The following ASAP1 variants were observed in gnomAD, a reference collection of about 807,000 sequenced individuals.
The protein encoded by ASAP1 is ArfGAP with SH3 domain, ankyrin repeat and PH domain 1.
Under a neutral mutation model 145.2 loss-of-function variants are expected in ASAP1, and 43 were observed. The observed-to-expected ratio is 0.30, with a 90% confidence interval of 0.23 to 0.38. ASAP1 has a LOEUF of 0.38. Ranked by LOEUF, ASAP1 falls within the 10% of genes least tolerant of loss-of-function variation. The probability of loss-of-function intolerance (pLI) is 1.00; values close to 1 mark genes in which losing one functional copy is unlikely to be tolerated. For synonymous variants in ASAP1, 546 were observed against 515.5 expected (o/e 1.06, Z -0.80); for missense variants, 1,018 against 1,355.3 (o/e 0.75, Z 3.91).
chr8:130,076,370 A>C lies in ASAP1; in HGVS notation c.2679T>G (p.Val893=). 1 of 1,612,444 alleles carries C rather than the reference A, an allele frequency of 6.2e-7. No individual in the cohort carries two copies. The highest frequency in any genetic ancestry group is 8.5e-7 in the Non-Finnish European group (1 of 1,179,370). Residue 893 remains valine, a synonymous_variant, in exon 27 of 30, where the codon GTT becomes GTG. Coordinates refer to ENST00000518721, the MANE Select transcript of ASAP1 (RefSeq NM_018482.4). ...SSAKTALGPR[V]LPKLPQKVAL... The stretch of plus-strand genomic sequence containing the variant: ...TACCTTTCTGAGGTAGTTTAGGAAG[A>C]ACTCTTGGGCCAAGGGCAGTCTTTG...
intron 4 of ASAP1, among the ~76,000 whole-genome samples, chr8:130,222,085 G>A (rs752608731): frequency 7.9e-5 from 12 of 152,176 alleles, no homozygotes; most frequent in Non-Finnish European, 1.6e-4. Context: ...TTCAGACAAC[G>A]CTGAAGAGTT....
At chr8:130,073,574 A>G (rs2097455026) in intron 27 of ASAP1, among the ~76,000 whole-genome samples, 1 of 152,112 alleles carries the variant, frequency 6.6e-6, no homozygotes, top group South Asian at 2.1e-4. Context: ...TCGGGAAGGA[A>G]CTGACAGTGC....
At chr8:130,194,055 A>C (rs1586565759) in intron 5 of ASAP1, among the ~76,000 whole-genome samples, 1 of 151,882 alleles carries the variant, frequency 6.6e-6, no homozygotes, top group African/African-American at 2.4e-5. Flanking sequence ...AAACCCCAAG[A>C]ATTAAGAATT....
intron 25 of ASAP1, among the ~76,000 whole-genome samples, chr8:130,088,860 C>G (rs1418614447): frequency 6.6e-6 from 1 of 152,174 alleles, no homozygotes; most frequent in Non-Finnish European, 1.5e-5. Context: ...ACTCCATATG[C>G]AATACAGACA....
intron 1 of ASAP1, among the ~76,000 whole-genome samples, chr8:130,441,541 CA>C (rs1416544405): frequency 6.6e-6 from 1 of 152,224 alleles, no homozygotes; most frequent in Non-Finnish European, 1.5e-5. Context: ...GCAGGAACAA[CA>C]CTGTCCTAGC....
chr8:130,204,004 G>A (rs546939461), intron 5 of ASAP1, among the ~76,000 whole-genome samples: 2 of 152,224 alleles, frequency 1.3e-5, no homozygotes, highest in East Asian at 3.9e-4. Context: ...CTTTTGCGAG[G>A]AGGTACAGCA....
chr8:130,329,802 C>A (rs1824565785), intron 3 of ASAP1, among the ~76,000 whole-genome samples: 2 of 152,196 alleles, frequency 1.3e-5, no homozygotes, highest in Non-Finnish European at 2.9e-5. Flanking sequence ...AGGGCAGCCT[C>A]AGATGGCACC....
chr8:130,297,515 A>C (rs756960466), intron 3 of ASAP1, among the ~76,000 whole-genome samples: 19 of 152,240 alleles, frequency 1.2e-4, no homozygotes, highest in Non-Finnish European at 2.6e-4. Flanking sequence ...CAAGAAGCAG[A>C]CCTGGGACTC....
At chr8:130,287,098 GA>G (rs1442197347) in intron 3 of ASAP1, among the ~76,000 whole-genome samples, 4 of 152,104 alleles carry the variant, frequency 2.6e-5, no homozygotes, top group Non-Finnish European at 5.9e-5. Context: ...GGAACACAGG[GA>G]AATTGACTGT....
chr8:130,245,502 C>T (rs10096176), intron 3 of ASAP1, among the ~76,000 whole-genome samples: 1 of 152,150 alleles, frequency 6.6e-6, no homozygotes, highest in African/African-American at 2.4e-5. Flanking sequence ...ATTTAACATA[C>T]CACCTTCGAC....
intron 5 of ASAP1, among the ~76,000 whole-genome samples, chr8:130,203,031 T>C (rs1488022798): frequency 6.6e-6 from 1 of 151,822 alleles, no homozygotes; most frequent in African/African-American, 2.4e-5. Flanking sequence ...CAATGAGAAA[T>C]TACATACTGA....
intron 3 of ASAP1, among the ~76,000 whole-genome samples, chr8:130,327,439 C>T (rs184255063): frequency 9.8e-5 from 15 of 152,294 alleles, no homozygotes; most frequent in Non-Finnish European, 1.3e-4. Flanking sequence ...GAGCCTGAAG[C>T]TCTTCAGGAA....
intron 5 of ASAP1, among the ~76,000 whole-genome samples, chr8:130,195,720 T>G (rs1815439571): frequency 2.0e-5 from 3 of 152,134 alleles, no homozygotes; most frequent in Non-Finnish European, 2.9e-5. Flanking sequence ...AAAAGGGGCT[T>G]AAGGAAGCAA....
intron 21 of ASAP1, 55 bp from the exon 22 acceptor site, chr8:130,116,800 G>A (rs928991715): frequency 3.7e-5 from 59 of 1,590,256 alleles, no homozygotes; most frequent in Non-Finnish European, 4.9e-5. Context: ...CCTTAAGAAG[G>A]CAAGGAACAA....
At position 130,214,544 on chromosome 8, in the gene ASAP1, G is replaced by A. The variant is rs1816777191; in HGVS notation, c.405+12C>T. The A allele has an allele frequency of 6.3e-7, 1 of 1,585,970 alleles. No homozygotes were observed. Among genetic ancestry groups the A allele is most frequent in the Non-Finnish European group, 8.6e-7 (1 of 1,169,492 alleles). On this transcript the variant is annotated intron_variant, in intron 5 of 29. Coordinates refer to ENST00000518721, the MANE Select transcript of ASAP1 (RefSeq NM_018482.4). ...GCTGTAATTCTTTTTACTCACATAT[G>A]AAATGTCTTACCAGATTTTTCAGCA...
intron 4 of ASAP1, among the ~76,000 whole-genome samples, chr8:130,217,686 A>G (rs1200832237): frequency 6.6e-6 from 1 of 152,144 alleles, no homozygotes; most frequent in Non-Finnish European, 1.5e-5. Flanking sequence ...GGCTTGGTTA[A>G]TATTTGTTGA....
chr8:130,373,153 G>T (rs1191923351), intron 2 of ASAP1, among the ~76,000 whole-genome samples: 1 of 128,938 alleles, frequency 7.8e-6, no homozygotes. Flanking sequence ...CACACACAGA[G>T]TCTCATCTTT....
chr8:130,328,609 TTC>T (rs1408100699), intron 3 of ASAP1, among the ~76,000 whole-genome samples: 1 of 142,978 alleles, frequency 7.0e-6, no homozygotes, highest in Non-Finnish European at 1.6e-5. Flanking sequence ...GGCTCAGTAG[TTC>T]TTTTTTTTTT....
At chr8:130,330,499 C>G (rs953718402) in intron 3 of ASAP1, among the ~76,000 whole-genome samples, 17 of 152,254 alleles carry the variant, frequency 1.1e-4, no homozygotes, top group African/African-American at 4.1e-4. Flanking sequence ...ACCTTTGGGA[C>G]AGAAAGCATG....
Sources: allele counts gnomAD v4.1 joint callset (sites outside exome capture counted in the v4.1 genomes callset), GRCh38; gene constraint gnomAD v4.1.1; transcripts MANE v1.5; gene names NCBI Gene and HGNC (gene_info 2026-07-23, HGNC 2026-07-21).